Variants in CKAP5 observed in about 807,000 individuals in gnomAD.
The protein encoded by CKAP5 is cytoskeleton associated protein 5.
A neutral mutation model predicts 232.8 loss-of-function variants in CKAP5; 27 were observed. That is an observed-to-expected ratio of 0.12 (90% CI 0.09 to 0.16). The LOEUF is 0.16. Among genes scored for constraint, CKAP5 ranks in the 10% least tolerant of loss-of-function variants. The probability of loss-of-function intolerance (pLI) is 1.00; values close to 1 mark genes in which losing one functional copy is unlikely to be tolerated. For synonymous variants in CKAP5, 785 were observed against 841.1 expected (o/e 0.93, Z 1.16); for missense variants, 1,838 against 2,424.7 (o/e 0.76, Z 5.08).
intron 1 of CKAP5, among the ~76,000 whole-genome samples, chr11:46,839,341 A>G (rs557399909): frequency 1.3e-5 from 2 of 152,338 alleles, no homozygotes; most frequent in South Asian, 4.1e-4. Flanking sequence ...AGTTATACAC[A>G]TCAAGTAGGT....
rs2065166574 is a variant in CKAP5, at chr11:46,762,732, C to G, written c.3922G>C (p.Asp1308His). 6.2e-7 allele frequency: 1 copy of G among 1,613,872 alleles called. No homozygotes were observed. The highest frequency in any genetic ancestry group is 1.3e-5 in the African/African-American group (1 of 74,900). Residue 1308 changes from aspartate (D) to histidine (H), a missense_variant, in exon 31 of 44, where the codon GAT becomes CAT. Around this residue, in one of 6 missense-constraint regions of CKAP5, gnomAD observed 579 missense variants for 843.2 expected, o/e 0.69. Coordinates refer to ENST00000529230, the MANE Select transcript of CKAP5 (RefSeq NM_001008938.4). ...ATCCGGTTCAGGATGGCACGAACAT[C>G]TTTACGAATGACATCCTTTGGTTCT... ...VGEPKDVIRK[D>H]VRAILNRMCL...
intron 4 of CKAP5, among the ~76,000 whole-genome samples, chr11:46,813,877 G>A (rs1939332653): frequency 1.3e-5 from 2 of 152,006 alleles, no homozygotes; most frequent in Non-Finnish European, 2.9e-5. Flanking sequence ...GCTTATGTCT[G>A]TAATCCCAGC....
At chr11:46,836,163 C>T (rs553082027) in intron 1 of CKAP5, among the ~76,000 whole-genome samples, 27 of 152,192 alleles carry the variant, frequency 1.8e-4, no homozygotes, top group African/African-American at 6.3e-4. Flanking sequence ...TGAATTGGAT[C>T]CTGAAACAGA....
At position 46,767,660 on chromosome 11, in the gene CKAP5, G is replaced by T; in HGVS notation, c.3326C>A (p.Pro1109His). The T allele has an allele frequency of 2.5e-6, 4 of 1,601,130 alleles. No homozygotes were observed. The highest frequency in any genetic ancestry group is 3.4e-6 in the Non-Finnish European group (4 of 1,172,296). Residue 1109 changes from proline (P) to histidine (H), a missense_variant, in exon 27 of 44, where the codon CCT becomes CAT. Physicochemically the swap from Pro to His is moderately conservative, Grantham distance 77. Coordinates refer to ENST00000529230, the MANE Select transcript of CKAP5 (RefSeq NM_001008938.4). Reference protein sequence around the residue: ...APAKFQPASAPAEDCISSSTE... With the variant: ...APAKFQPASAHAEDCISSSTE... ...ACTGCTGGAAATACAATCTTCAGCA[G>T]GTGCTTTGAGGAAAAAAATATATAT...
intron 8 of CKAP5, among the ~76,000 whole-genome samples, chr11:46,804,255 G>A (rs1253921748): frequency 6.6e-6 from 1 of 152,148 alleles, no homozygotes; most frequent in Non-Finnish European, 1.5e-5. Context: ...CAATGGACCA[G>A]ATACCCTAAT....
intron 13 of CKAP5, among the ~76,000 whole-genome samples, chr11:46,793,541 A>G (rs909824995): frequency 6.6e-6 from 1 of 152,256 alleles, no homozygotes; most frequent in Admixed American, 6.5e-5. Context: ...TATCAGTAAA[A>G]TGACCAATTG....
At chr11:46,795,537 C>T (rs1302475931) in intron 13 of CKAP5, 57 bp downstream of exon 13, 24 of 1,427,406 alleles carry the variant, frequency 1.7e-5, no homozygotes, top group African/African-American at 4.3e-5. Flanking sequence ...GGAACAACCA[C>T]GAACCTGAGA....
chr11:46,763,455 T>C (rs1248230143), intron 29 of CKAP5, 26 bp downstream of exon 29: 2 of 1,563,974 alleles, frequency 1.3e-6, no homozygotes, highest in South Asian at 1.2e-5. Flanking sequence ...CTGAAATACA[T>C]GTATATTTAT....
At chr11:46,807,155 T>C (rs775441681) in intron 8 of CKAP5, among the ~76,000 whole-genome samples, 12 of 152,336 alleles carry the variant, frequency 7.9e-5, no homozygotes, top group South Asian at 6.2e-4. Flanking sequence ...ATATTAAATA[T>C]GCTATCTCCA....
In CKAP5 at chr11:46,780,419, T is replaced by A. The variant is rs751691051; in HGVS notation, c.2307+9A>T. ...CAATACTGCCCTATATATGTTGTTATGTACTCACTGGGTTTGTTGCAGCAA... is the reference window on the plus strand; with the variant it reads ...CAATACTGCCCTATATATGTTGTTAAGTACTCACTGGGTTTGTTGCAGCAA... On this transcript the variant is annotated intron_variant, in intron 19 of 43. Coordinates refer to ENST00000529230, the MANE Select transcript of CKAP5 (RefSeq NM_001008938.4). The A allele has an allele frequency of 1.2e-5, 20 of 1,613,798 alleles. No individual in the cohort carries two copies. Among genetic ancestry groups the A allele is most frequent in the Non-Finnish European group, 1.6e-5 (19 of 1,179,840 alleles).
chr11:46,777,514 T>A lies in CKAP5; in HGVS notation c.2787A>T (p.Val929=). 6.2e-7 allele frequency: 1 copy of A among 1,613,934 alleles called. No individual in the cohort carries two copies. Among genetic ancestry groups the A allele is most frequent in the Non-Finnish European group, 8.5e-7 (1 of 1,179,820 alleles). Residue 929 remains valine (V), a synonymous_variant, in exon 23 of 44, where the codon GTA becomes GTT. Transcript: ENST00000529230. ...GTTGCTTAATATTTGGGCCCATGGC[T>A]ACTGCCAGTTGTTGCAGGATATTCA... ...QTLNILQQLA[V]AMGPNIKQHV...
rs200848432 is a variant in CKAP5 at position 46,760,690 on chromosome 11, G to A, written c.4316C>T (p.Pro1439Leu). 23 of 1,614,074 alleles carry A rather than the reference G, an allele frequency of 1.4e-5. No homozygotes were observed. The highest frequency in any genetic ancestry group is 1.5e-5 in the Non-Finnish European group (18 of 1,180,040). ...AAPIKQVEEK[P>L]QRAQNISSNA... ...GGAGCTTATGTTCTGTGCACGCTGAGGTTTCTCTTCCACCTGTTTTATTGG... is the reference window on the plus strand; with the variant it reads ...GGAGCTTATGTTCTGTGCACGCTGAAGTTTCTCTTCCACCTGTTTTATTGG... Residue 1439 changes from proline (P) to leucine (L), a missense_variant, in exon 33 of 44, where the codon CCT becomes CTT. Pro to Leu is a moderately conservative substitution (Grantham distance 98). Transcript: ENST00000529230.
chr11:46,820,767 C>T (rs1483823500), intron 2 of CKAP5: 2 of 153,084 alleles, frequency 1.3e-5, no homozygotes, highest in African/African-American at 2.4e-5. Context: ...ATTGGAATGC[C>T]GATCATATAA....
chr11:46,820,511 A>G (rs1384690990), intron 2 of CKAP5: 1 of 152,214 alleles, frequency 6.6e-6, no homozygotes, highest in East Asian at 1.9e-4. Flanking sequence ...AGAACTGTCA[A>G]GAACATAAAG....
chr11:46,766,614 C>A (rs1416387886), intron 27 of CKAP5, among the ~76,000 whole-genome samples: 1 of 152,120 alleles, frequency 6.6e-6, no homozygotes, highest in South Asian at 2.1e-4. Context: ...AAATAATTCT[C>A]TATTTAGACT....
intron 42 of CKAP5, among the ~76,000 whole-genome samples, chr11:46,748,410 A>G (rs1459555774): frequency 5.9e-5 from 9 of 152,212 alleles, no homozygotes; most frequent in Non-Finnish European, 1.0e-4. Context: ...GGAAAGGAAG[A>G]GAAGACTCAA....
intron 38 of CKAP5, among the ~76,000 whole-genome samples, chr11:46,752,219 C>CACACACAA (rs61518519): frequency 1.2e-5 from 1 of 86,222 alleles, no homozygotes; most frequent in Non-Finnish European, 2.6e-5. Flanking sequence ...CACACACACA[C>CACACACAA]ACACACACAC....
At chr11:46,764,293 A>G (rs139170480) in intron 28 of CKAP5, among the ~76,000 whole-genome samples, 14 of 152,364 alleles carry the variant, frequency 9.2e-5, no homozygotes, top group African/African-American at 3.4e-4. Context: ...AGATACACTC[A>G]CATATGTGTA....
chr11:46,773,661 G>A (rs996143815), intron 24 of CKAP5, among the ~76,000 whole-genome samples: 8 of 151,760 alleles, frequency 5.3e-5, no homozygotes, highest in African/African-American at 1.9e-4. Flanking sequence ...TCCTGCCTCA[G>A]CCTCCCGAGT....
Sources: gnomAD v4.1 joint callset for allele counts (sites outside exome capture counted in the v4.1 genomes callset) on GRCh38, gnomAD v4.1.1 for gene constraint, gnomAD v4.1.1 regional missense constraint, MANE v1.5 for transcripts, NCBI Gene and HGNC (gene_info 2026-07-23, HGNC 2026-07-21) for gene names.